Variants in UROC1 observed in about 807,000 individuals in gnomAD.
UROC1 encodes urocanate hydratase 1, also known as urocanate hydratase.
Under a neutral mutation model 89.5 loss-of-function variants are expected in UROC1, and 79 were observed. That is an observed-to-expected ratio of 0.88 (90% CI 0.74 to 1.06). UROC1 has a LOEUF of 1.06. Ranked by LOEUF, UROC1 falls within the 50% of genes least tolerant of loss-of-function variation. The pLI is 0.00. For synonymous variants in UROC1, 361 were observed against 354.8 expected (o/e 1.02, Z -0.20); for missense variants, 885 against 907.8 (o/e 0.97, Z 0.32).
chr3:126,513,906 C>G (rs1314232052), intron 1 of UROC1, among the ~76,000 whole-genome samples: 6 of 152,176 alleles, frequency 3.9e-5, no homozygotes, highest in Non-Finnish European at 7.3e-5. Context: ...CATCAGCCGG[C>G]TGGGTCTGGC....
chr3:126,509,328 T>C (rs1275621848), intron 3 of UROC1, among the ~76,000 whole-genome samples: 2 of 152,132 alleles, frequency 1.3e-5, no homozygotes, highest in Non-Finnish European at 2.9e-5. Flanking sequence ...TACTTTTTCA[T>C]ATGGCTGCTA....
rs1276122562 is a variant in UROC1, at chr3:126,482,194, G to A, written c.*151C>T. ...GGGGCTGTCTGTAAAATGAGGCTGT[G>A]GTGGCACCCTGCACAGGGCACCATA... is the stretch of plus-strand genomic sequence containing the variant. On this transcript the variant is annotated 3_prime_UTR_variant, in exon 20 of 20. Coordinates refer to ENST00000290868, the MANE Select transcript of UROC1 (RefSeq NM_144639.3). 2 of 1,129,020 alleles carry A rather than the reference G, an allele frequency of 1.8e-6. No homozygotes were observed. Among genetic ancestry groups the A allele is most frequent in the African/African-American group, 1.5e-5 (1 of 64,998 alleles). The allele number at this position is 1,129,020 out of a possible 1,614,324, so 69.9% of individuals were successfully genotyped here. A position where few individuals can be genotyped will look rare whatever the true frequency, so the allele number is the denominator to read the frequency against.
At chr3:126,505,538 C>T (rs1255093545) in intron 8 of UROC1, among the ~76,000 whole-genome samples, 163 bp downstream of exon 8, 1 of 151,778 alleles carries the variant, frequency 6.6e-6, no homozygotes, top group Non-Finnish European at 1.5e-5. Context: ...TGGGAACCCA[C>T]CCAGTGAGGT....
At chr3:126,515,428 C>G (rs1156524212) in intron 1 of UROC1, among the ~76,000 whole-genome samples, 1 of 148,180 alleles carries the variant, frequency 6.7e-6, no homozygotes, top group Non-Finnish European at 1.5e-5. Flanking sequence ...GCACCCAACA[C>G]CTACCCTCCC....
chr3:126,486,701 A>G (rs923592451), intron 18 of UROC1, among the ~76,000 whole-genome samples: 7 of 152,262 alleles, frequency 4.6e-5, no homozygotes, highest in African/African-American at 1.2e-4. Flanking sequence ...AACAGGGATC[A>G]ATGCGCAGGA....
At chr3:126,498,552 C>T (rs1560120781) in intron 13 of UROC1, among the ~76,000 whole-genome samples, 1 of 151,988 alleles carries the variant, frequency 6.6e-6, no homozygotes, top group African/African-American at 2.4e-5. Context: ...GCTTATCTTC[C>T]CAGGAGCCAG....
chr3:126,514,379 C>A (rs952451156), intron 1 of UROC1, among the ~76,000 whole-genome samples: 1 of 152,134 alleles, frequency 6.6e-6, no homozygotes, highest in Non-Finnish European at 1.5e-5. Flanking sequence ...GGGGTAGGTA[C>A]TGAGGACATT....
chr3:126,488,434 G>C (rs1409211285), intron 17 of UROC1, among the ~76,000 whole-genome samples, 155 bp from the exon 18 acceptor site: 2 of 152,280 alleles, frequency 1.3e-5, no homozygotes, highest in Non-Finnish European at 2.9e-5. Flanking sequence ...AGCAGCAGTC[G>C]TGTGTGCTGG....
Position 126,489,590 on chromosome 3 carries a change from G to A in UROC1, c.1609-215C>T, listed in dbSNP as rs137858081. Among the ~76,000 whole-genome samples, 187 of 152,236 alleles carry A rather than the reference G, an allele frequency of 1.2e-3. 2 individuals are homozygous for A. Among genetic ancestry groups the A allele is most frequent in the African/African-American group, 4.3e-3 (178 of 41,540 alleles). On this transcript the variant is annotated intron_variant, in intron 16 of 19. Transcript: ENST00000290868. ...TGTGTAATACATGTGTGAGCTCACC[G>A]AGCACTCACAGCCACCCTGTTCAGA...
chr3:126,483,641 G>T (rs936539311), intron 18 of UROC1, among the ~76,000 whole-genome samples, 173 bp from the exon 19 acceptor site: 1 of 152,226 alleles, frequency 6.6e-6, no homozygotes, highest in African/African-American at 2.4e-5. Flanking sequence ...AGCACAGCTG[G>T]GAGCAGCGTG....
At position 126,497,082 on chromosome 3, in the gene UROC1, G is replaced by A. The variant is rs938872895; in HGVS notation, c.1438+969C>T. ...AGGCCCCTGCTTCCCCTGCCCTCCTGCCTGGGCCCCTGCCCGCCTCCTCCT... is the reference window on the plus strand; with the variant it reads ...AGGCCCCTGCTTCCCCTGCCCTCCTACCTGGGCCCCTGCCCGCCTCCTCCT... On this transcript the variant is annotated intron_variant, in intron 14 of 19. Transcript: ENST00000290868. 2.6e-5 allele frequency among the ~76,000 whole-genome samples: 4 copies of A among 152,170 alleles called. 1 individual carries two copies. The highest frequency in any genetic ancestry group is 9.7e-5 in the African/African-American group (4 of 41,430).
chr3:126,501,056 C>T (rs531665672), intron 10 of UROC1, among the ~76,000 whole-genome samples, 162 bp downstream of exon 10: 4 of 152,310 alleles, frequency 2.6e-5, no homozygotes, highest in South Asian at 2.1e-4. Flanking sequence ...AGGGCAGGGA[C>T]GGCTGCCTCA....
In UROC1 at chr3:126,505,932, C is replaced by T; in HGVS notation, c.669+13G>A. 6.3e-7 allele frequency: 1 copy of T among 1,596,964 alleles called. No homozygotes were observed. The highest frequency in any genetic ancestry group is 1.7e-5 in the Admixed American group (1 of 59,522). On this transcript the variant is annotated intron_variant, in intron 7 of 19. Transcript: ENST00000290868. Reference sequence around the variant, plus strand: ...CTGGGAAGCCCACAGCCAGGCGTGGCCCCATCTCTCACCACAGTGCCATGA... The same window carrying T: ...CTGGGAAGCCCACAGCCAGGCGTGGTCCCATCTCTCACCACAGTGCCATGA...
At chr3:126,510,856 C>T in intron 1 of UROC1, 62 bp from the exon 2 acceptor site, 2 of 1,586,136 alleles carry the variant, frequency 1.3e-6, no homozygotes, top group Non-Finnish European at 1.7e-6. Context: ...TTCTGAGGCC[C>T]CGCGATGGGC....
chr3:126,497,674 C>T (rs1935811442), intron 14 of UROC1, among the ~76,000 whole-genome samples: 1 of 152,226 alleles, frequency 6.6e-6, no homozygotes, highest in Admixed American at 6.5e-5. Flanking sequence ...AAGCCTGGCC[C>T]CGGCCACTGC....
chr3:126,516,905 T>C (rs1936342089), intron 1 of UROC1, among the ~76,000 whole-genome samples: 1 of 151,770 alleles, frequency 6.6e-6, no homozygotes, highest in Admixed American at 6.6e-5. Context: ...ACTTCTCTAC[T>C]GTTTCTGAAA....
intron 17 of UROC1, among the ~76,000 whole-genome samples, chr3:126,488,694 C>T (rs1382675375): frequency 6.6e-6 from 1 of 152,212 alleles, no homozygotes; most frequent in East Asian, 1.9e-4. Context: ...ACTGAGGTCC[C>T]AGGACAACCA....
chr3:126,511,251 C>G (rs1253111367), intron 1 of UROC1, among the ~76,000 whole-genome samples: 1 of 152,204 alleles, frequency 6.6e-6, no homozygotes, highest in Non-Finnish European at 1.5e-5. Flanking sequence ...CACACATGAA[C>G]TCTTTTGATC....
intron 18 of UROC1, among the ~76,000 whole-genome samples, chr3:126,487,516 C>T (rs1935544664): frequency 6.6e-6 from 1 of 152,182 alleles, no homozygotes; most frequent in Non-Finnish European, 1.5e-5. Context: ...CTCTGGAGGG[C>T]AGGGGACCAC....
Sources: allele counts gnomAD v4.1 joint callset (sites outside exome capture counted in the v4.1 genomes callset), GRCh38; gene constraint gnomAD v4.1.1; transcripts MANE v1.5; gene names NCBI Gene and HGNC (gene_info 2026-07-23, HGNC 2026-07-21).